PARP12: variants seen among roughly 807,000 people sequenced by gnomAD.
PARP12 encodes protein mono-ADP-ribosyltransferase PARP12.
PARP12 carries 59 observed loss-of-function variants against 72.4 expected under a neutral mutation model. That is an observed-to-expected ratio of 0.81 (90% CI 0.66 to 1.01). PARP12 has a LOEUF of 1.01. PARP12 is among the 50% of genes least tolerant of loss of function. The pLI is 0.00. For missense variants in PARP12, 851 were observed against 914.0 expected (o/e 0.93, Z 0.89); for synonymous variants, 403 against 371.4 (o/e 1.09, Z -0.98).
At position 140,033,967 on chromosome 7, in the gene PARP12, A is replaced by C; in HGVS notation, c.1421+268T>G. 2.8e-6 allele frequency: 3 copies of C among 1,071,910 alleles called. No individual in the cohort carries two copies. The East Asian group carries it at 2.1e-4, about 77-fold the overall frequency. The allele number at this position is 1,071,910 out of a possible 1,614,324, so 66.4% of individuals were successfully genotyped here. A position where few individuals can be genotyped will look rare whatever the true frequency, so the allele number is the denominator to read the frequency against. On this transcript the variant is annotated intron_variant, in intron 8 of 11. Transcript: ENST00000263549. Reference sequence around the variant, plus strand: ...AAACGGATGGGTTGGCTTCAAGTCTAGACTCGCCTTCAGAGTCTGTCTTCT... The same window carrying C: ...AAACGGATGGGTTGGCTTCAAGTCTCGACTCGCCTTCAGAGTCTGTCTTCT...
intron 7 of PARP12, 57 bp downstream of exon 7, chr7:140,037,658 G>A: frequency 6.2e-7 from 1 of 1,600,598 alleles, no homozygotes; most frequent in Non-Finnish European, 8.5e-7. Context: ...GGGTTAAGGT[G>A]TAGGGACAGA....
intron 1 of PARP12, among the ~76,000 whole-genome samples, chr7:140,062,264 C>T (rs1445037328): frequency 6.6e-6 from 1 of 152,014 alleles, no homozygotes; most frequent in Non-Finnish European, 1.5e-5. Flanking sequence ...GTGTTCCACC[C>T]GGCACTACCA....
intron 4 of PARP12, among the ~76,000 whole-genome samples, chr7:140,047,295 T>G (rs1816770963): frequency 6.6e-6 from 1 of 152,230 alleles, no homozygotes; most frequent in Admixed American, 6.5e-5. Context: ...AAGAGGTGAC[T>G]GGGTCATAGA....
At position 140,024,862 on chromosome 7, in the gene PARP12, C is replaced by T. The variant is rs892173425; in HGVS notation, c.1804G>A (p.Ala602Thr). ...GKGSYFARDA[A>T]YSHHYSKSDT... ...GATTTGCTGTAGTGGTGGGAATATG[C>T]AGCATCTCGGGCAAAGTAGCTCCCT... Residue 602 changes from alanine to threonine, a missense_variant, in exon 12 of 12, where the codon GCA becomes ACA. By Grantham distance (58) the Ala-to-Thr change is moderately conservative. Around this residue, in one of 3 missense-constraint regions of PARP12, gnomAD observed 347 missense variants for 396.1 expected, o/e 0.88. Coordinates refer to ENST00000263549, the MANE Select transcript of PARP12 (RefSeq NM_022750.4). The T allele has an allele frequency of 1.2e-6, 2 of 1,613,388 alleles. No homozygotes were observed. The highest frequency in any genetic ancestry group is 2.7e-5 in the African/African-American group (2 of 74,916).
intron 10 of PARP12, 98 bp from the exon 11 acceptor site, chr7:140,026,446 A>T: frequency 1.3e-6 from 2 of 1,509,316 alleles, no homozygotes; most frequent in Non-Finnish European, 1.8e-6. Context: ...AAATTCCAAA[A>T]GTGTCCTGGG....
intron 5 of PARP12, among the ~76,000 whole-genome samples, chr7:140,042,452 T>C (rs1414421115): frequency 6.6e-6 from 1 of 152,162 alleles, no homozygotes; most frequent in African/African-American, 2.4e-5. Flanking sequence ...CAAAGGAAGG[T>C]ACGAAACTGG....
chr7:140,047,147 G>T (rs559448558), intron 4 of PARP12, 140 bp from the exon 5 acceptor site: 1 of 926,042 alleles, frequency 1.1e-6, no homozygotes, highest in Non-Finnish European at 1.5e-6. Flanking sequence ...TTTCAGTGCC[G>T]GCATGCCTGA....
In PARP12 at chr7:140,027,414, G is replaced by T; in HGVS notation, c.1498-8C>A. ...AGAACTAAGGGTGATCTTCTGCAAG[G>T]GGCAAATGTTTTTAATGCATTACCA... On this transcript the variant is annotated splice_polypyrimidine_tract_variant and splice_region_variant and intron_variant, in intron 9 of 11. Transcript: ENST00000263549. The T allele has an allele frequency of 6.2e-7, 1 of 1,613,208 alleles. No homozygotes were observed. Among genetic ancestry groups the T allele is most frequent in the Non-Finnish European group, 8.5e-7 (1 of 1,179,428 alleles).
intron 1 of PARP12, 49 bp downstream of exon 1, chr7:140,062,473 A>G (rs737321): frequency 0.77 from 1,149,653 of 1,490,812 alleles, 447,477 homozygotes; most frequent in South Asian, 0.83. Flanking sequence ...GAAGTGCGTG[A>G]GGGCGCGCAG....
At chr7:140,024,915 G>A (rs1815674675) in intron 11 of PARP12, 30 bp from the exon 12 acceptor site, 1 of 1,601,032 alleles carries the variant, frequency 6.2e-7, no homozygotes, top group Non-Finnish European at 8.5e-7. Context: ...CTCAGCTGGT[G>A]GAGGGGCCTG....
At chr7:140,034,078 C>T in intron 8 of PARP12, 157 bp downstream of exon 8, 1 of 1,324,204 alleles carries the variant, frequency 7.6e-7, no homozygotes, top group Non-Finnish European at 9.7e-7. Context: ...CCACTCTGGT[C>T]CAACTAGTAG....
At chr7:140,059,886 A>T (rs1817369179) in intron 1 of PARP12, among the ~76,000 whole-genome samples, 1 of 152,212 alleles carries the variant, frequency 6.6e-6, no homozygotes, top group East Asian at 1.9e-4. Flanking sequence ...TCAGGGGAGC[A>T]TGCTGGATGG....
At position 140,048,258 on chromosome 7, in the gene PARP12, C is replaced by T. The variant is rs114841628; in HGVS notation, c.863-1251G>A. On this transcript the variant is annotated intron_variant, in intron 4 of 11. Transcript: ENST00000263549. ...CACAATGGCCCAGACCTATGGGTTC[C>T]GGTGAGCTGCTCCCCTCACCAACCC... 1.5e-3 allele frequency among the ~76,000 whole-genome samples: 223 copies of T among 152,294 alleles called. 1 individual carries two copies. The highest frequency in any genetic ancestry group is 4.5e-3 in the African/African-American group (187 of 41,552).
intron 5 of PARP12, among the ~76,000 whole-genome samples, chr7:140,042,096 C>A (rs764179950): frequency 6.6e-6 from 1 of 152,158 alleles, no homozygotes; most frequent in Non-Finnish European, 1.5e-5. Flanking sequence ...CTGGTGAAAT[C>A]ATTCTTTTTT....
chr7:140,044,566 A>T (rs1649889217), intron 5 of PARP12, among the ~76,000 whole-genome samples: 2 of 152,338 alleles, frequency 1.3e-5, no homozygotes, highest in African/African-American at 4.8e-5. Flanking sequence ...TTGGACTTCT[A>T]GCCTCCAGAA....
chr7:140,043,308 C>A (rs1816572926), intron 5 of PARP12, among the ~76,000 whole-genome samples: 2 of 152,072 alleles, frequency 1.3e-5, no homozygotes, highest in South Asian at 2.1e-4. Context: ...CAAAATCAGA[C>A]CACCCTGAAC....
rs767193657 is a variant in PARP12 at position 140,024,836 on chromosome 7, G to A, written c.1830C>T (p.Ser610=). Residue 610 remains serine (S), a synonymous_variant, in exon 12 of 12, where the codon TCC becomes TCT. Coordinates refer to ENST00000263549, the MANE Select transcript of PARP12 (RefSeq NM_022750.4). ...GGAACATCGTGTGGGTCTGCGTGTC[G>A]GATTTGCTGTAGTGGTGGGAATATG... ...DAAYSHHYSK[S]DTQTHTMFLA... 3.4e-5 allele frequency: 55 copies of A among 1,613,906 alleles called. No individual in the cohort carries two copies. The Admixed American group carries it at 7.8e-4, about 23-fold the overall frequency.
At position 140,034,006 on chromosome 7, in the gene PARP12, G is replaced by A. The variant is rs377644957; in HGVS notation, c.1421+229C>T. 1.9e-5 allele frequency: 22 copies of A among 1,135,896 alleles called. No individual in the cohort carries two copies. In the East Asian group the frequency reaches 3.9e-4, roughly 20 times the overall value. The allele number at this position is 1,135,896 out of a possible 1,614,324, so 70.4% of individuals were successfully genotyped here. On this transcript the variant is annotated intron_variant, in intron 8 of 11. Coordinates refer to ENST00000263549, the MANE Select transcript of PARP12 (RefSeq NM_022750.4). Reference sequence around the variant, plus strand: ...AGTCTGTCTTCTCCAGAGAATCATCGCAGATCACAACAGGCAGCCTTCTAA... The same window carrying A: ...AGTCTGTCTTCTCCAGAGAATCATCACAGATCACAACAGGCAGCCTTCTAA...
chr7:140,036,049 G>C (rs1395950456), intron 7 of PARP12, among the ~76,000 whole-genome samples: 1 of 129,834 alleles, frequency 7.7e-6, no homozygotes, highest in African/African-American at 3.2e-5. Flanking sequence ...AGGAGGAGAA[G>C]GAGGAGAAGG....
Sources: allele counts gnomAD v4.1 joint callset (sites outside exome capture counted in the v4.1 genomes callset), GRCh38; gene constraint gnomAD v4.1.1; regional missense constraint gnomAD v4.1.1; transcripts MANE v1.5; gene names NCBI Gene and HGNC (gene_info 2026-07-23, HGNC 2026-07-21).